Variants in KCTD8 observed in about 807,000 individuals in gnomAD.
KCTD8 encodes the protein BTB/POZ domain-containing protein KCTD8.
KCTD8 carries 27 observed loss-of-function variants against 31.5 expected under a neutral mutation model. The observed-to-expected ratio is 0.86, with a 90% CI of 0.63 to 1.18. The LOEUF (loss-of-function observed/expected upper bound fraction) is 1.18. Ranked by LOEUF, KCTD8 falls within the 50% of genes most tolerant of loss-of-function variation. The probability of loss-of-function intolerance (pLI) is 0.00; values close to 1 mark genes in which losing one functional copy is unlikely to be tolerated. For synonymous variants in KCTD8, 290 were observed against 280.0 expected (o/e 1.04, Z -0.36); for missense variants, 658 against 647.7 (o/e 1.02, Z -0.17).
chr4:44,215,719 G>T (rs1481203433), intron 1 of KCTD8, among the ~76,000 whole-genome samples: 1 of 152,160 alleles, frequency 6.6e-6, no homozygotes, highest in African/African-American at 2.4e-5. Flanking sequence ...CTAACACAGA[G>T]ATTTAATGAA....
chr4:44,326,929 T>A (rs1030717552), intron 1 of KCTD8, among the ~76,000 whole-genome samples: 7 of 151,830 alleles, frequency 4.6e-5, no homozygotes, highest in Non-Finnish European at 8.8e-5. Context: ...ATGTAAGAAG[T>A]CATTACTTCA....
In KCTD8 at chr4:44,431,962, C is replaced by T. The variant is rs141699182; in HGVS notation, c.961+15601G>A. 5.9e-5 allele frequency among the ~76,000 whole-genome samples: 9 copies of T among 151,640 alleles called. No individual in the cohort carries two copies. In the East Asian group the frequency reaches 1.2e-3, roughly 20 times the overall value. Reference sequence around the variant, plus strand: ...CTTCCCTAGACAAAATTATGAAATACGGTACATGAGATTTGATTTTCACAA... The same window carrying T: ...CTTCCCTAGACAAAATTATGAAATATGGTACATGAGATTTGATTTTCACAA... On this transcript the variant is annotated intron_variant, in intron 1 of 1. Coordinates refer to ENST00000360029, the MANE Select transcript of KCTD8 (RefSeq NM_198353.3).
At chr4:44,289,007 G>T (rs1577595422) in intron 1 of KCTD8, among the ~76,000 whole-genome samples, 1 of 151,190 alleles carries the variant, frequency 6.6e-6, no homozygotes, top group East Asian at 1.9e-4. Flanking sequence ...TAAAAATTTA[G>T]TCTTATTAAT....
intron 1 of KCTD8, among the ~76,000 whole-genome samples, chr4:44,371,786 A>C (rs1242423621): frequency 6.6e-6 from 1 of 152,174 alleles, no homozygotes; most frequent in Non-Finnish European, 1.5e-5. Flanking sequence ...GGTCATGATG[A>C]TAATAAAATG....
intron 1 of KCTD8, among the ~76,000 whole-genome samples, chr4:44,346,373 T>C (rs968126680): frequency 1.3e-5 from 2 of 152,166 alleles, no homozygotes; most frequent in Admixed American, 6.6e-5. Flanking sequence ...CACATTCTTA[T>C]ATTCTGGAGA....
intron 1 of KCTD8, among the ~76,000 whole-genome samples, chr4:44,393,291 T>C (rs1720416403): frequency 6.6e-6 from 1 of 152,058 alleles, no homozygotes; most frequent in Non-Finnish European, 1.5e-5. Flanking sequence ...AAGCTTATTC[T>C]GTTTTCCTAA....
intron 1 of KCTD8, 21 bp downstream of exon 1, chr4:44,447,542 A>G (rs759644507): frequency 1.3e-6 from 2 of 1,520,542 alleles, no homozygotes; most frequent in Non-Finnish European, 1.8e-6. Context: ...GTGCTGGGAA[A>G]CGCCGGGGCT....
intron 1 of KCTD8, among the ~76,000 whole-genome samples, chr4:44,275,738 G>A (rs1716733263): frequency 6.6e-6 from 1 of 151,964 alleles, no homozygotes; most frequent in Non-Finnish European, 1.5e-5. Flanking sequence ...GAAGTGGCAC[G>A]CTGTTACATT....
chr4:44,304,186 T>C (rs2109394485), intron 1 of KCTD8, among the ~76,000 whole-genome samples: 1 of 152,268 alleles, frequency 6.6e-6, no homozygotes, highest in East Asian at 1.9e-4. Context: ...ATCAAAGCTT[T>C]TGTTTTTATT....
intron 1 of KCTD8, among the ~76,000 whole-genome samples, chr4:44,250,002 A>G (rs1715779157): frequency 6.6e-6 from 1 of 151,796 alleles, no homozygotes; most frequent in Non-Finnish European, 1.5e-5. Flanking sequence ...AAATTACACA[A>G]ATGGTGTCGA....
intron 1 of KCTD8, among the ~76,000 whole-genome samples, chr4:44,406,287 T>C (rs1033412237): frequency 3.9e-4 from 60 of 152,066 alleles, no homozygotes; most frequent in African/African-American, 1.4e-3. Context: ...ATATCATACA[T>C]TGAAAAACAT....
At chr4:44,356,624 C>A (rs1015339717) in intron 1 of KCTD8, among the ~76,000 whole-genome samples, 2 of 152,102 alleles carry the variant, frequency 1.3e-5, no homozygotes, top group African/African-American at 4.8e-5. Context: ...GAGTAGCCAC[C>A]ACATCTGGCT....
At chr4:44,419,188 T>G (rs1222957032) in intron 1 of KCTD8, among the ~76,000 whole-genome samples, 1 of 152,182 alleles carries the variant, frequency 6.6e-6, no homozygotes, top group Non-Finnish European at 1.5e-5. Flanking sequence ...GCAAATATTT[T>G]GCAAAGCCCT....
intron 1 of KCTD8, among the ~76,000 whole-genome samples, chr4:44,201,891 A>T (rs1351841789): frequency 6.6e-6 from 1 of 152,180 alleles, no homozygotes; most frequent in Non-Finnish European, 1.5e-5. Context: ...CAAACTATGC[A>T]TCTGACAGAA....
rs776923781 is a variant in KCTD8 at position 44,447,631 on chromosome 4, G to A, written c.893C>T (p.Thr298Ile). 9.3e-6 allele frequency: 15 copies of A among 1,607,356 alleles called. 1 individual carries two copies. Among genetic ancestry groups the A allele is most frequent in the South Asian group, 5.6e-5 (5 of 89,688 alleles). ...GCGGTACTGGTTGACGAAGGCGGCGGTGCCCGAGGAGTTACACGCCACCAT... is the reference window on the plus strand; with the variant it reads ...GCGGTACTGGTTGACGAAGGCGGCGATGCCCGAGGAGTTACACGCCACCAT... ...FHMVACNSSG[T>I]AAFVNQYRDD... The change falls in exon 1 of 2, where the codon ACC (threonine) becomes ATC (isoleucine). Residue 298 changes from threonine to isoleucine, a missense_variant. By Grantham distance (89) the Thr-to-Ile change is moderately conservative (BLOSUM62 -1). Transcript: ENST00000360029.
chr4:44,183,966 C>T (rs77509158), intron 1 of KCTD8, among the ~76,000 whole-genome samples: 10,272 of 152,184 alleles, frequency 0.067, 527 homozygotes, highest in African/African-American at 0.14. Flanking sequence ...AAATATTAAG[C>T]ACTTGAGTCA....
At position 44,447,885 on chromosome 4, in the gene KCTD8, G is replaced by A; in HGVS notation, c.639C>T (p.Tyr213=). 2 of 1,538,476 alleles carry A rather than the reference G, an allele frequency of 1.3e-6. No homozygotes were observed. The highest frequency in any genetic ancestry group is 1.8e-6 in the Non-Finnish European group (2 of 1,139,630). ...CGCGCACGGTGGTGTAGGAGCCCCG[G>A]TAGCCCAGCGTGAGGAAGCCCGAGC... ...DKRSGFLTLG[Y]RGSYTTVRDN... The change falls in exon 1 of 2, where the codon TAC becomes TAT. Residue 213 remains tyrosine, a synonymous_variant. Transcript: ENST00000360029.
rs1439039217 is a variant in KCTD8, at chr4:44,174,991, G to A, written c.1221C>T (p.Arg407=). Residue 407 remains arginine (R), a synonymous_variant, in exon 2 of 2, where the codon CGC becomes CGT. Coordinates refer to ENST00000360029, the MANE Select transcript of KCTD8 (RefSeq NM_198353.3). ...GGGTCTGAAAGAGTTCACTGTTTCT[G>A]CGTTTGTCTGGTGGGGGTATCCATT... The part of the protein sequence containing the change: ...PVQWIPPPDK[R]RNSELFQTLI... 1.2e-6 allele frequency: 2 copies of A among 1,614,102 alleles called. No individual in the cohort carries two copies. The highest frequency in any genetic ancestry group is 1.1e-5 in the South Asian group (1 of 91,082).
In KCTD8 at chr4:44,448,022, T is replaced by C; in HGVS notation, c.502A>G (p.Asn168Asp). 1.9e-6 allele frequency: 3 copies of C among 1,603,510 alleles called. No homozygotes were observed. Among genetic ancestry groups the C allele is most frequent in the Non-Finnish European group, 2.6e-6 (3 of 1,175,448 alleles). ...DEGCQSDLED[N>D]VSQGSSDALL... ...GCGTCGCTGCTACCCTGCGAGACGTTGTCCTCCAGGTCGCTCTGGCAGCCC... is the reference window on the plus strand; with the variant it reads ...GCGTCGCTGCTACCCTGCGAGACGTCGTCCTCCAGGTCGCTCTGGCAGCCC... The change falls in exon 1 of 2, where the codon AAC (asparagine) becomes GAC (aspartate). Residue 168 changes from asparagine to aspartate, a missense_variant. Asn to Asp is a conservative substitution (Grantham distance 23, BLOSUM62 1). Transcript: ENST00000360029. The surrounding 1 kb of genome is among the most constrained non-coding windows in gnomAD (Gnocchi z 4.1).
Sources: allele counts gnomAD v4.1 joint callset (sites outside exome capture counted in the v4.1 genomes callset), GRCh38; gene constraint gnomAD v4.1.1; non-coding constraint Gnocchi (gnomAD v3.1); transcripts MANE v1.5; gene names NCBI Gene and HGNC (gene_info 2026-07-23, HGNC 2026-07-21).